The following LZTFL1 variants were observed in gnomAD, a reference collection of about 807,000 sequenced individuals.
The protein encoded by LZTFL1 is leucine zipper transcription factor like 1, also known as leucine zipper transcription factor-like protein 1.
LZTFL1 carries 25 observed loss-of-function variants against 45.9 expected under a neutral mutation model. The observed-to-expected ratio is 0.54, with a 90% CI of 0.40 to 0.76. The LOEUF is 0.76. LZTFL1 is among the 30% of genes least tolerant of loss of function. LZTFL1 has a pLI of 0.00. For synonymous variants in LZTFL1, 93 were observed against 117.4 expected (o/e 0.79, Z 1.35); for missense variants, 277 against 331.1 (o/e 0.84, Z 1.27).
chr3:45,855,111 G>A (rs1701369254), intron 3 of LZTFL1: 1 of 1,300,818 alleles, frequency 7.7e-7, no homozygotes, highest in Non-Finnish European at 1.1e-6. Flanking sequence ...ATTATAAGTT[G>A]TATCTTAAAA....
chr3:45,828,626 T>C lies in LZTFL1; in HGVS notation c.601-11A>G, dbSNP rs1700732175. On this transcript the variant is annotated splice_polypyrimidine_tract_variant and intron_variant, in intron 7 of 9. Coordinates refer to ENST00000296135, the MANE Select transcript of LZTFL1 (RefSeq NM_020347.4). The stretch of plus-strand genomic sequence containing the variant: ...GGCCTTTATAAAATCCTATGAAAAA[T>C]AAATGCATGCATGTAATTTCATGTT... 3 of 1,588,524 alleles carry C rather than the reference T, an allele frequency of 1.9e-6. No individual in the cohort carries two copies. The highest frequency in any genetic ancestry group is 1.4e-5 in the African/African-American group (1 of 73,800).
intron 2 of LZTFL1, among the ~76,000 whole-genome samples, chr3:45,903,499 A>G (rs1435129037): frequency 6.6e-6 from 1 of 152,234 alleles, no homozygotes; most frequent in African/African-American, 2.4e-5. Flanking sequence ...CTTGCTTTAG[A>G]GGAAGCATCT....
At chr3:45,902,649 T>G (rs1702595254) in intron 2 of LZTFL1, 1 of 167,140 alleles carries the variant, frequency 6.0e-6, no homozygotes, top group Non-Finnish European at 1.5e-5. Context: ...GGTGACAGTG[T>G]CTCTCCATGG....
chr3:45,862,187 A>G (rs1464058834), intron 2 of LZTFL1, among the ~76,000 whole-genome samples: 1 of 152,234 alleles, frequency 6.6e-6, no homozygotes, highest in Non-Finnish European at 1.5e-5. Flanking sequence ...TGAGTCTTAA[A>G]GCTGTGTGAA....
chr3:45,842,696 T>C (rs1322363903), upstream of LZTFL1, among the ~76,000 whole-genome samples: 1 of 152,244 alleles, frequency 6.6e-6, no homozygotes, highest in Non-Finnish European at 1.5e-5. Context: ...GCATGGGTTT[T>C]CTCCGAGAGC....
Position 45,835,590 on chromosome 3 carries a change from C to T in LZTFL1, c.323G>A (p.Arg108Gln), listed in dbSNP as rs200504234. The part of the protein sequence containing the change: ...LQTDISELEN[R>Q]ELLEQVAEFE... The stretch of plus-strand genomic sequence containing the variant: ...CAGTTGCAAGTTCAAATTTTATTAC[C>T]GGTTTTCAAGTTCAGAGATGTCTGT... Residue 108 changes from arginine (R) to glutamine (Q), a missense_variant and splice_region_variant, in exon 3 of 10, where the codon CGA becomes CAA. By Grantham distance (43) the Arg-to-Gln change is conservative. Transcript: ENST00000296135. 6 of 1,613,202 alleles carry T rather than the reference C, an allele frequency of 3.7e-6. No homozygotes were observed. Among genetic ancestry groups the T allele is most frequent in the South Asian group, 1.1e-5 (1 of 90,908 alleles).
chr3:45,839,511 A>G (rs1349287629), intron 1 of LZTFL1, among the ~76,000 whole-genome samples: 1 of 152,172 alleles, frequency 6.6e-6, no homozygotes, highest in Non-Finnish European at 1.5e-5. Context: ...TACTTTAGCC[A>G]CACTAGTCTG....
intron 2 of LZTFL1, among the ~76,000 whole-genome samples, chr3:45,859,860 C>CT (rs1426316255): frequency 1.3e-5 from 2 of 152,088 alleles, no homozygotes; most frequent in African/African-American, 4.8e-5. Flanking sequence ...TGGTCCTGAA[C>CT]TACTGACCTC....
intron 5 of LZTFL1, 103 bp from the exon 6 acceptor site, chr3:45,831,241 A>C: frequency 1.5e-6 from 1 of 665,034 alleles, no homozygotes; most frequent in Non-Finnish European, 2.4e-6. Context: ...TTTAAATTAC[A>C]TAATAGCTCA....
intron 2 of LZTFL1, among the ~76,000 whole-genome samples, chr3:45,896,428 C>T (rs564363104): frequency 3.9e-5 from 6 of 152,316 alleles, no homozygotes; most frequent in Admixed American, 6.5e-5. Context: ...GGAAAGTAGC[C>T]GTGGCACCCT....
chr3:45,872,470 AT>A (rs1220443395), intron 2 of LZTFL1, among the ~76,000 whole-genome samples: 1 of 152,164 alleles, frequency 6.6e-6, no homozygotes, highest in Non-Finnish European at 1.5e-5. Flanking sequence ...GGAGATGCTA[AT>A]TTATGAGCGT....
chr3:45,906,539 A>C (rs1420235413), intron 2 of LZTFL1, among the ~76,000 whole-genome samples: 1 of 152,248 alleles, frequency 6.6e-6, no homozygotes, highest in African/African-American at 2.4e-5. Flanking sequence ...GAGTTTGGCC[A>C]GCACTCCTCT....
At chr3:45,873,825 T>C (rs1160131070) in intron 2 of LZTFL1, among the ~76,000 whole-genome samples, 1 of 152,206 alleles carries the variant, frequency 6.6e-6, no homozygotes, top group East Asian at 1.9e-4. Flanking sequence ...TCCTCCCTCC[T>C]ATAATCTTCC....
At chr3:45,892,643 A>C (rs1255946132) in intron 2 of LZTFL1, among the ~76,000 whole-genome samples, 2 of 152,140 alleles carry the variant, frequency 1.3e-5, no homozygotes, top group African/African-American at 4.8e-5. Flanking sequence ...TGGCGAAATA[A>C]TCTATACACC....
intron 2 of LZTFL1, among the ~76,000 whole-genome samples, chr3:45,879,822 A>T (rs1302942628): frequency 6.6e-6 from 1 of 152,344 alleles, no homozygotes; most frequent in East Asian, 1.9e-4. Flanking sequence ...GCTCTAAAAA[A>T]CAAAGCCTAT....
chr3:45,882,398 C>T (rs941543730), intron 2 of LZTFL1, among the ~76,000 whole-genome samples: 3 of 152,194 alleles, frequency 2.0e-5, no homozygotes, highest in Non-Finnish European at 4.4e-5. Context: ...AGTAGAAAGA[C>T]AGCATTGTCC....
intron 2 of LZTFL1, among the ~76,000 whole-genome samples, chr3:45,885,143 G>A (rs549208555): frequency 2.4e-4 from 36 of 152,342 alleles, no homozygotes; most frequent in Middle Eastern, 3.4e-3. Flanking sequence ...CGGGAACTGA[G>A]GGTGATGAAG....
intron 2 of LZTFL1, among the ~76,000 whole-genome samples, chr3:45,903,665 G>A (rs875891): frequency 0.28 from 42,175 of 152,112 alleles, 8,044 homozygotes; most frequent in African/African-American, 0.54. Context: ...AGCAGACATG[G>A]GCAGCAGCCA....
intron 2 of LZTFL1, among the ~76,000 whole-genome samples, chr3:45,876,086 G>A (rs1373779503): frequency 2.0e-5 from 3 of 152,306 alleles, no homozygotes; most frequent in South Asian, 2.1e-4. Flanking sequence ...GATAAAGTTC[G>A]TAAAGCTCTT....
Sources: gnomAD v4.1 joint callset for allele counts (sites outside exome capture counted in the v4.1 genomes callset) on GRCh38, gnomAD v4.1.1 for gene constraint, MANE v1.5 for transcripts, NCBI Gene and HGNC (gene_info 2026-07-23, HGNC 2026-07-21) for gene names.